MED13L: variants seen among roughly 807,000 people sequenced by gnomAD.
The protein encoded by MED13L is mediator complex subunit 13L, also known as mediator of RNA polymerase II transcription subunit 13-like.
In MED13L, 7 loss-of-function variants were observed where a neutral mutation model predicts 220.9. That is an observed-to-expected ratio of 0.03 (90% CI 0.02 to 0.06). The LOEUF is 0.06. Ranked by LOEUF, MED13L falls within the 10% of genes least tolerant of loss-of-function variation. MED13L has a pLI of 1.00. For missense variants in MED13L, 1,965 were observed against 2,760.5 expected (o/e 0.71, Z 6.46); for synonymous variants, 1,011 against 1,015.2 (o/e 1.00, Z 0.08).
intron 1 of MED13L, among the ~76,000 whole-genome samples, chr12:116,265,155 A>C (rs1872741518): frequency 6.6e-6 from 1 of 151,768 alleles, no homozygotes; most frequent in Non-Finnish European, 1.5e-5. Flanking sequence ...CACTCCTTAC[A>C]CCTCTCCCCT....
At chr12:116,191,886 GCAAATTATTTT>G (rs1327213247) in intron 2 of MED13L, among the ~76,000 whole-genome samples, 1 of 151,786 alleles carries the variant, frequency 6.6e-6, no homozygotes, top group East Asian at 1.9e-4. Context: ...AGTAAAAAAG[GCAAATTATTTT>G]CAAATCACCG....
At chr12:116,143,330 CAA>C (rs776961298) in intron 2 of MED13L, among the ~76,000 whole-genome samples, 92 of 81,044 alleles carry the variant, frequency 1.1e-3, no homozygotes, top group Non-Finnish European at 1.2e-3. Flanking sequence ...CACCTTGTCT[CAA>C]AAAAAAAAAA....
intron 4 of MED13L, among the ~76,000 whole-genome samples, chr12:116,023,797 G>GA (rs1054812663): frequency 6.6e-6 from 1 of 151,824 alleles, no homozygotes; most frequent in African/African-American, 2.4e-5. Context: ...AAAGAATTTT[G>GA]AAAAAAAGTT....
chr12:115,989,495 C>G (rs961837258), intron 17 of MED13L, among the ~76,000 whole-genome samples: 4 of 151,940 alleles, frequency 2.6e-5, no homozygotes, highest in Non-Finnish European at 4.4e-5. Context: ...TTTTCTCCTC[C>G]TCCTCAATGA....
At chr12:116,115,891 A>T (rs1874473580) in intron 2 of MED13L, among the ~76,000 whole-genome samples, 1 of 152,246 alleles carries the variant, frequency 6.6e-6, no homozygotes, top group Non-Finnish European at 1.5e-5. Flanking sequence ...CAGTAGCCAG[A>T]ACTGTCATAT....
rs188458780 is a variant in MED13L at position 116,122,002 on chromosome 12, G to A, written c.311-10490C>T. Among the ~76,000 whole-genome samples the A allele has an allele frequency of 4.6e-5, 7 of 152,152 alleles. No individual in the cohort carries two copies. The East Asian group carries it at 9.6e-4, about 21-fold the overall frequency. On this transcript the variant is annotated intron_variant, in intron 2 of 30. Transcript: ENST00000281928. ...TCCCAGTTAGATTTCAGTAACTAAC[G>A]GCTAAAGATAGCATAGCTCTGAATC...
intron 3 of MED13L, among the ~76,000 whole-genome samples, chr12:116,106,587 G>T (rs1012670468): frequency 6.6e-6 from 1 of 152,222 alleles, no homozygotes; most frequent in Non-Finnish European, 1.5e-5. Context: ...GCTCACGCCT[G>T]TAGTCCCAGC....
chr12:116,159,665 G>C (rs1878712978), intron 2 of MED13L, among the ~76,000 whole-genome samples: 1 of 152,070 alleles, frequency 6.6e-6, no homozygotes, highest in Non-Finnish European at 1.5e-5. Context: ...TTGTCAAAAT[G>C]ATTTAATATT....
At chr12:116,175,336 T>A (rs1384835009) in intron 2 of MED13L, among the ~76,000 whole-genome samples, 4 of 152,110 alleles carry the variant, frequency 2.6e-5, no homozygotes, top group Non-Finnish European at 5.9e-5. Context: ...AAAGGTATAA[T>A]CACTCCACAG....
intron 4 of MED13L, among the ~76,000 whole-genome samples, chr12:116,048,302 C>T (rs1364181287): frequency 2.6e-5 from 4 of 152,022 alleles, no homozygotes; most frequent in Non-Finnish European, 5.9e-5. Context: ...TTACAGTGGG[C>T]TGAACTGGGA....
chr12:116,262,695 C>T lies in MED13L; in HGVS notation c.72+14365G>A, dbSNP rs556377779. 3.3e-5 allele frequency among the ~76,000 whole-genome samples: 5 copies of T among 152,244 alleles called. No individual in the cohort carries two copies. The South Asian group carries it at 8.3e-4, about 25-fold the overall frequency. ...TCTTCTACTTCAAATCAAATTTATA[C>T]AATTTACTAAAGTCAGCTTATTAGC... On this transcript the variant is annotated intron_variant, in intron 1 of 30. Coordinates refer to ENST00000281928, the MANE Select transcript of MED13L (RefSeq NM_015335.5).
intron 23 of MED13L, among the ~76,000 whole-genome samples, chr12:115,978,668 T>C (rs1877123890): frequency 6.6e-6 from 1 of 152,202 alleles, no homozygotes; most frequent in Non-Finnish European, 1.5e-5. Context: ...GATATGTGAA[T>C]TGTATCTCAA....
Position 116,224,085 on chromosome 12 carries a change from A to G in MED13L, c.310+13383T>C, listed in dbSNP as rs377293121. Among the ~76,000 whole-genome samples the G allele has an allele frequency of 2.0e-4, 30 of 152,322 alleles. No homozygotes were observed. The East Asian group carries it at 5.8e-3, about 29-fold the overall frequency. On this transcript the variant is annotated intron_variant, in intron 2 of 30. Coordinates refer to ENST00000281928, the MANE Select transcript of MED13L (RefSeq NM_015335.5). Reference sequence around the variant, plus strand: ...GGTCCTGGAATTACAATGATGGGCAAAAGTCAGATGCAGGTCCTATCCCCA... The same window carrying G: ...GGTCCTGGAATTACAATGATGGGCAGAAGTCAGATGCAGGTCCTATCCCCA...
chr12:116,251,579 G>A (rs1232341493), intron 1 of MED13L, among the ~76,000 whole-genome samples: 1 of 150,510 alleles, frequency 6.6e-6, no homozygotes, highest in Non-Finnish European at 1.5e-5. Context: ...CTAACACAGT[G>A]AAACTCCGTC....
chr12:116,113,796 GGGAGA>G (rs1874292215), intron 2 of MED13L, among the ~76,000 whole-genome samples: 1 of 68,984 alleles, frequency 1.4e-5, no homozygotes. Context: ...GGGGGGAAGA[GGGAGA>G]GGGGAGGGAG....
chr12:116,035,101 T>C (rs1205422100), intron 4 of MED13L, among the ~76,000 whole-genome samples: 1 of 152,162 alleles, frequency 6.6e-6, no homozygotes, highest in Non-Finnish European at 1.5e-5. Context: ...CTGTGCTAGA[T>C]TTAGGGATGT....
At chr12:116,152,935 T>C (rs1479643474) in intron 2 of MED13L, among the ~76,000 whole-genome samples, 1 of 151,642 alleles carries the variant, frequency 6.6e-6, no homozygotes, top group Non-Finnish European at 1.5e-5. Context: ...ATAATAGAAG[T>C]TAAAAAGAGC....
At chr12:115,975,425 A>G in intron 24 of MED13L, 90 bp downstream of exon 24, 1 of 1,591,708 alleles carries the variant, frequency 6.3e-7, no homozygotes, top group Non-Finnish European at 8.6e-7. Flanking sequence ...TGCTGTACCC[A>G]CTTCATTTAC....
At chr12:116,149,434 C>T (rs1054038234) in intron 2 of MED13L, among the ~76,000 whole-genome samples, 4 of 152,164 alleles carry the variant, frequency 2.6e-5, no homozygotes, top group Admixed American at 6.5e-5. Context: ...ATTGATTAAC[C>T]TCATCTTCCA....
Sources: allele counts gnomAD v4.1 joint callset (sites outside exome capture counted in the v4.1 genomes callset), GRCh38; gene constraint gnomAD v4.1.1; transcripts MANE v1.5; gene names NCBI Gene and HGNC (gene_info 2026-07-23, HGNC 2026-07-21).